The following POLG2 variants were observed in gnomAD, a reference collection of about 807,000 sequenced individuals.
POLG2 encodes DNA polymerase gamma 2, accessory subunit, also known as DNA polymerase subunit gamma-2.
A neutral mutation model predicts 56.5 loss-of-function variants in POLG2; 50 were observed. That is an observed-to-expected ratio of 0.88 (90% CI 0.71 to 1.12). The LOEUF (loss-of-function observed/expected upper bound fraction) is 1.12. Among genes scored for constraint, POLG2 ranks in the 50% most tolerant of loss-of-function variants. The probability of loss-of-function intolerance (pLI) is 0.00; values close to 1 mark genes in which losing one functional copy is unlikely to be tolerated. For missense variants in POLG2, 584 were observed against 583.3 expected (o/e 1.00, Z -0.01); for synonymous variants, 226 against 222.6 (o/e 1.02, Z -0.14).
At chr17:64,486,702 T>A (rs1555667547) in intron 4 of POLG2, among the ~76,000 whole-genome samples, 1 of 152,178 alleles carries the variant, frequency 6.6e-6, no homozygotes, top group Non-Finnish European at 1.5e-5. Flanking sequence ...TGTTTGCTGA[T>A]TATTCAAAAG....
intron 3 of POLG2, chr17:64,491,717 A>G (rs2038062026): frequency 3.3e-6 from 3 of 914,300 alleles, no homozygotes; most frequent in African/African-American, 1.7e-5. Flanking sequence ...TGGTGCTGGC[A>G]GGGTACATGC....
chr17:64,492,038 TAC>T, intron 3 of POLG2, among the ~76,000 whole-genome samples: 1 of 152,168 alleles, frequency 6.6e-6, no homozygotes, highest in Non-Finnish European at 1.5e-5. Flanking sequence ...AGGAAAGAAC[TAC>T]AGAGAAAAAA....
chr17:64,480,871 A>T lies in POLG2; in HGVS notation c.1192-482T>A, dbSNP rs917132008. On this transcript the variant is annotated intron_variant, in intron 6 of 7. Coordinates refer to ENST00000539111, the MANE Select transcript of POLG2 (RefSeq NM_007215.4). ...GTATTCCAGAAGCAAACCCCGGAAA[A>T]TGTTTCAAGAAGAGACTGATCAACC... Among the ~76,000 whole-genome samples, 37 of 152,204 alleles carry T rather than the reference A, an allele frequency of 2.4e-4. 1 individual carries two copies.
intron 6 of POLG2, among the ~76,000 whole-genome samples, chr17:64,482,614 G>A (rs996095856): frequency 5.3e-5 from 8 of 152,100 alleles, no homozygotes; most frequent in African/African-American, 1.7e-4. Flanking sequence ...CACCACGCCC[G>A]ACCTAAAACA....
rs571495796 is a variant in POLG2, at chr17:64,485,963, C to G, written c.970-95G>C. The stretch of plus-strand genomic sequence containing the variant: ...AGTCTCACTCTGTCACCTGGCCAGG[C>G]TGGAGTGCAGTGGCATGATCTCAGC... On this transcript the variant is annotated intron_variant, in intron 4 of 7. Transcript: ENST00000539111. The G allele has an allele frequency of 4.8e-6, 6 of 1,249,016 alleles. No homozygotes were observed. In the East Asian group the frequency reaches 1.4e-4, roughly 30 times the overall value. 77.4% of individuals were successfully genotyped at this position (1,249,016 alleles called of 1,614,324 possible).
Position 64,478,027 on chromosome 17 carries a change from T to C in POLG2, c.1293-39A>G, listed in dbSNP as rs373069382. Reference sequence around the variant, plus strand: ...AGTTAAACAGACACATGAGCACAAATGTAAATAATAAATTCCTCCACGTTG... The same window carrying C: ...AGTTAAACAGACACATGAGCACAAACGTAAATAATAAATTCCTCCACGTTG... On this transcript the variant is annotated intron_variant, in intron 7 of 7. Transcript: ENST00000539111. 1.0e-5 allele frequency: 16 copies of C among 1,599,404 alleles called. No homozygotes were observed. The African/African-American group carries it at 1.7e-4, about 17-fold the overall frequency.
At chr17:64,491,518 C>A (rs2038057770) in intron 3 of POLG2, 1 of 1,521,080 alleles carries the variant, frequency 6.6e-7, no homozygotes, top group Admixed American at 1.7e-5. Context: ...TCTAAAAAAA[C>A]CAAGATGGAG....
Position 64,477,864 on chromosome 17 carries a change from C to T in POLG2, c.1417G>A (p.Asp473Asn), listed in dbSNP as rs563130304. Residue 473 changes from aspartate (D) to asparagine (N), a missense_variant, in exon 8 of 8, where the codon GAC becomes AAC. Transcript: ENST00000539111. ...GATGATATATACTTAATCAAAAAGTCTTTTAATTTGGATATATGCATCATT... is the reference window on the plus strand; with the variant it reads ...GATGATATATACTTAATCAAAAAGTTTTTTAATTTGGATATATGCATCATT... ...KEMMHISKLK[D>N]FLIKYISSAK... 193 of 1,610,222 alleles carry T rather than the reference C, an allele frequency of 1.2e-4. 2 individuals carry two copies. In the South Asian group the frequency reaches 1.8e-3, roughly 15 times the overall value.
At chr17:64,482,096 CTTTT>C (rs1185623297) in intron 6 of POLG2, among the ~76,000 whole-genome samples, 1 of 116,042 alleles carries the variant, frequency 8.6e-6, no homozygotes, top group African/African-American at 3.3e-5. Flanking sequence ...TTAATTAAAG[CTTTT>C]TTTTTTTTTT....
chr17:64,479,112 T>C (rs528786141), intron 7 of POLG2, among the ~76,000 whole-genome samples: 12 of 151,986 alleles, frequency 7.9e-5, no homozygotes, highest in African/African-American at 2.4e-4. Flanking sequence ...CCCCTTCATT[T>C]TACACATAAT....
In POLG2 at chr17:64,483,017, G is replaced by A. The variant is rs1555666813; in HGVS notation, c.1111-18C>T. 7.3e-7 allele frequency: 1 copy of A among 1,376,972 alleles called. No individual in the cohort carries two copies. The highest frequency in any genetic ancestry group is 1.0e-6 in the Non-Finnish European group (1 of 968,550). 85.3% of individuals were successfully genotyped at this position (1,376,972 alleles called of 1,614,324 possible). A position where few individuals can be genotyped will look rare whatever the true frequency, so the allele number is the denominator to read the frequency against. On this transcript the variant is annotated intron_variant, in intron 5 of 7. Coordinates refer to ENST00000539111, the MANE Select transcript of POLG2 (RefSeq NM_007215.4). The stretch of plus-strand genomic sequence containing the variant: ...TTAAGTACCTAAGGCAATTAAATGG[G>A]GGAGGGAGAAGACAGGAAAGGGGAA...
In POLG2 at chr17:64,496,812, T is replaced by TC; in HGVS notation, c.156dup (p.Asn53GlufsTer35). ...CCGGGGGCTTCTGGGTGCTCGCCGT[T>TC]CCCCTCGAGCTCCGCGTGCGACTTC... On this transcript the variant is annotated frameshift_variant, in exon 1 of 8. Transcript: ENST00000539111. LOFTEE classifies it high-confidence loss of function. 6.2e-7 allele frequency: 1 copy of TC among 1,613,550 alleles called. No homozygotes were observed.
At chr17:64,483,298 G>A (rs1197064604) in intron 5 of POLG2, among the ~76,000 whole-genome samples, 5 of 152,032 alleles carry the variant, frequency 3.3e-5, no homozygotes, top group African/African-American at 1.2e-4. Flanking sequence ...TGGATTCCTT[G>A]AGCTCAGGAG....
chr17:64,491,714 G>A, intron 3 of POLG2: 2 of 937,846 alleles, frequency 2.1e-6, no homozygotes, highest in South Asian at 1.3e-5. Flanking sequence ...CCATGGTGCT[G>A]GCAGGGTACA....
chr17:64,489,326 T>A (rs2038015220), intron 4 of POLG2, among the ~76,000 whole-genome samples: 1 of 141,538 alleles, frequency 7.1e-6, no homozygotes, highest in African/African-American at 2.7e-5. Flanking sequence ...TGCTGACCAG[T>A]AAATCTAGAA....
In POLG2 at chr17:64,491,087, C is replaced by G; in HGVS notation, c.796-118G>C. The G allele has an allele frequency of 3.8e-6, 3 of 795,392 alleles. No homozygotes were observed. The South Asian group carries it at 4.4e-5, about 12-fold the overall frequency. 49.3% of individuals were successfully genotyped at this position (795,392 alleles called of 1,614,324 possible). A position where few individuals can be genotyped will look rare whatever the true frequency, so the allele number is the denominator to read the frequency against. ...CTTTTTATTCAGCAAATGTGCGAAA[C>G]TAGTCAAGTCCCGAATACAAATTTT... On this transcript the variant is annotated intron_variant, in intron 3 of 7. Coordinates refer to ENST00000539111, the MANE Select transcript of POLG2 (RefSeq NM_007215.4).
chr17:64,497,045 C>A lies in POLG2; in HGVS notation c.-77G>T. On this transcript the variant is annotated 5_prime_UTR_variant, in exon 1 of 8. Coordinates refer to ENST00000539111, the MANE Select transcript of POLG2 (RefSeq NM_007215.4). ...AAGCCACCACTACCGTTAACAGAATCCGGAGAGGCCACGGCGCAGGCGCAA... is the reference window on the plus strand; with the variant it reads ...AAGCCACCACTACCGTTAACAGAATACGGAGAGGCCACGGCGCAGGCGCAA... 7.0e-7 allele frequency: 1 copy of A among 1,435,390 alleles called. No homozygotes were observed. The allele number at this position is 1,435,390 out of a possible 1,614,324, so 88.9% of individuals were successfully genotyped here.
intron 1 of POLG2, among the ~76,000 whole-genome samples, chr17:64,493,980 GT>G (rs2144206621): frequency 6.6e-6 from 1 of 152,040 alleles, no homozygotes; most frequent in Admixed American, 6.5e-5. Flanking sequence ...ACCATAAAAA[GT>G]TAACCATAAT....
chr17:64,485,840 G>A lies in POLG2; in HGVS notation c.998C>T (p.Pro333Leu), dbSNP rs2144156887. 6.2e-7 allele frequency: 1 copy of A among 1,614,020 alleles called. No homozygotes were observed. The highest frequency in any genetic ancestry group is 1.7e-5 in the Admixed American group (1 of 60,028). The part of the protein sequence containing the change: ...HGRDGRKNVV[P>L]CVLSVNGDLD... ...GTCCCCATTTACAGAGAGAACACAA[G>A]GAACCACATTTTTTCGTCCATCTCG... Residue 333 changes from proline (P) to leucine (L), a missense_variant, in exon 5 of 8, where the codon CCT becomes CTT. Coordinates refer to ENST00000539111, the MANE Select transcript of POLG2 (RefSeq NM_007215.4).
Sources: allele counts gnomAD v4.1 joint callset (sites outside exome capture counted in the v4.1 genomes callset), GRCh38; gene constraint gnomAD v4.1.1; transcripts MANE v1.5; gene names NCBI Gene and HGNC (gene_info 2026-07-23, HGNC 2026-07-21).